PARP9: variants seen among roughly 807,000 people sequenced by gnomAD.
PARP9 encodes the protein poly(ADP-ribose) polymerase family member 9.
Under a neutral mutation model 68.8 loss-of-function variants are expected in PARP9, and 48 were observed. The observed-to-expected ratio is 0.70, with a 90% CI of 0.55 to 0.89. The LOEUF (loss-of-function observed/expected upper bound fraction) is 0.89. Among genes scored for constraint, PARP9 ranks in the 40% least tolerant of loss-of-function variants. The pLI, the probability that PARP9 is intolerant of heterozygous loss-of-function variation, is 0.00. For synonymous variants in PARP9, 309 were observed against 333.8 expected (o/e 0.93, Z 0.81); for missense variants, 806 against 969.3 (o/e 0.83, Z 2.24).
intron 2 of PARP9, 68 bp downstream of exon 2, chr3:122,559,538 G>T: frequency 6.8e-7 from 1 of 1,462,098 alleles, no homozygotes; most frequent in Non-Finnish European, 9.2e-7. Flanking sequence ...CAGATTTCTT[G>T]CTGTTATATA....
intron 1 of PARP9, among the ~76,000 whole-genome samples, chr3:122,561,495 T>C (rs2080202036): frequency 6.6e-6 from 1 of 152,200 alleles, no homozygotes; most frequent in Non-Finnish European, 1.5e-5. Flanking sequence ...GAATCCCTCA[T>C]GTGGTTAATG....
intron 5 of PARP9, 98 bp downstream of exon 5, chr3:122,552,320 A>G (rs2079271473): frequency 1.1e-6 from 1 of 943,178 alleles, no homozygotes; most frequent in Non-Finnish European, 1.6e-6. Flanking sequence ...ACTTGACAAA[A>G]TATTTCATGA....
chr3:122,539,563 C>CTTTCTTTCT (rs1553714675), intron 8 of PARP9, among the ~76,000 whole-genome samples: 1 of 80,600 alleles, frequency 1.2e-5, no homozygotes, highest in East Asian at 4.5e-4. Context: ...TTCTTTCTTT[C>CTTTCTTTCT]TTTCTTTTTT....
intron 8 of PARP9, among the ~76,000 whole-genome samples, chr3:122,537,301 G>A (rs2077724154): frequency 6.6e-6 from 1 of 152,176 alleles, no homozygotes; most frequent in Admixed American, 6.5e-5. Context: ...CTAAGGGGAT[G>A]TGAGTAAAAG....
At chr3:122,558,138 G>A (rs764163473) in intron 3 of PARP9, among the ~76,000 whole-genome samples, 3 of 152,212 alleles carry the variant, frequency 2.0e-5, no homozygotes, top group African/African-American at 4.8e-5. Context: ...TATAGTACTC[G>A]TTGAGCAAGG....
At chr3:122,533,562 G>T in intron 10 of PARP9, 1 of 495,800 alleles carries the variant, frequency 2.0e-6, no homozygotes, top group Non-Finnish European at 2.6e-6. Flanking sequence ...GGCAACAGGT[G>T]AACTCGTGAG....
At chr3:122,564,368 C>G (rs1437666662), upstream of PARP9, 20 of 1,532,840 alleles carry the variant, frequency 1.3e-5, no homozygotes, top group Admixed American at 2.1e-5. Flanking sequence ...CAGGGCGGGC[C>G]GCGCCTTTAC....
intron 1 of PARP9, among the ~76,000 whole-genome samples, chr3:122,563,637 T>TCCCAGGC (rs2080424931): frequency 6.6e-6 from 1 of 152,020 alleles, no homozygotes; most frequent in Non-Finnish European, 1.5e-5. Flanking sequence ...TCTCCTCTCC[T>TCCCAGGC]CCCAGGCCCC....
At chr3:122,544,678 TA>T (rs1472098753) in intron 7 of PARP9, among the ~76,000 whole-genome samples, 2 of 151,850 alleles carry the variant, frequency 1.3e-5, no homozygotes, top group African/African-American at 2.4e-5. Context: ...AATAAAATAA[TA>T]AAATAAATTA....
At chr3:122,545,942 A>G (rs1329028175) in intron 6 of PARP9, 5 of 157,530 alleles carry the variant, frequency 3.2e-5, no homozygotes, top group Non-Finnish European at 5.6e-5. Flanking sequence ...GTTAATTCCT[A>G]TAGAGTGCTT....
Position 122,555,731 on chromosome 3 carries a change from A to T in PARP9, c.440T>A (p.Val147Asp), listed in dbSNP as rs1248173257. The T allele has an allele frequency of 1.1e-5, 18 of 1,613,858 alleles. No individual in the cohort carries two copies. Among genetic ancestry groups the T allele is most frequent in the Non-Finnish European group, 1.4e-5 (16 of 1,179,958 alleles). The change falls in exon 4 of 11, where the codon GTC (valine) becomes GAC (aspartate). Residue 147 changes from valine (V) to aspartate (D), a missense_variant. Coordinates refer to ENST00000682323, the MANE Select transcript of PARP9 (RefSeq NM_001146105.2). The part of the protein sequence containing the change: ...YGKVSAGEIA[V>D]TGAGRLPCKQ... The stretch of plus-strand genomic sequence containing the variant: ...GCAGGGAAGCCTCCCTGCTCCCGTG[A>T]CAGCTATCTCACCAGCTGACACTTT...
At chr3:122,545,641 C>G in intron 6 of PARP9, 152 bp from the exon 7 acceptor site, 1 of 686,674 alleles carries the variant, frequency 1.5e-6, no homozygotes, top group African/African-American at 1.8e-5. Flanking sequence ...TTAGGAAAGT[C>G]CCAGAGAAGA....
At position 122,540,802 on chromosome 3, in the gene PARP9, A is replaced by T. The variant is rs765839681; in HGVS notation, c.1435T>A (p.Ser479Thr). 1.9e-6 allele frequency: 3 copies of T among 1,613,952 alleles called. No homozygotes were observed. The highest frequency in any genetic ancestry group is 2.5e-6 in the Non-Finnish European group (3 of 1,179,994). Residue 479 changes from serine to threonine, a missense_variant, in exon 8 of 11, where the codon TCT (serine) becomes ACT (threonine). This residue lies in a region of PARP9 where 680 missense variants were observed against 858.8 expected (regional missense o/e 0.79). Coordinates refer to ENST00000682323, the MANE Select transcript of PARP9 (RefSeq NM_001146105.2). ...AATCCCATCAGATTGATGGCAGGAG[A>T]TCTAGCTTCAAGCCCATTTTCTCTT... ...EKRENGLEAR[S>T]PAINLMGFNV...
intron 10 of PARP9, chr3:122,534,367 G>T (rs1240167125): frequency 1.0e-6 from 1 of 985,268 alleles, no homozygotes; most frequent in East Asian, 1.1e-4. Context: ...ATATAAGGAA[G>T]ATTTTCCCAG....
chr3:122,540,207 A>G (rs1168572894), intron 8 of PARP9, among the ~76,000 whole-genome samples: 1 of 152,250 alleles, frequency 6.6e-6, no homozygotes, highest in African/African-American at 2.4e-5. Context: ...TACCACTGCC[A>G]AAATTCCATG....
At chr3:122,563,704 C>G (rs1363979855) in intron 1 of PARP9, among the ~76,000 whole-genome samples, 2 of 152,024 alleles carry the variant, frequency 1.3e-5, no homozygotes, top group Non-Finnish European at 2.9e-5. Context: ...GCTTTTCCCC[C>G]CAATCCTGTC....
chr3:122,537,322 T>C (rs1303101439), intron 8 of PARP9, among the ~76,000 whole-genome samples: 1 of 152,236 alleles, frequency 6.6e-6, no homozygotes, highest in Admixed American at 6.5e-5. Flanking sequence ...GAGCATAATA[T>C]ATACTTGCTT....
Position 122,555,873 on chromosome 3 carries a change from C to T in PARP9, c.298G>A (p.Val100Met). The change falls in exon 4 of 11, where the codon GTG becomes ATG. Residue 100 changes from valine (V) to methionine (M), a missense_variant. By Grantham distance (21) the Val-to-Met change is conservative. Coordinates refer to ENST00000682323, the MANE Select transcript of PARP9 (RefSeq NM_001146105.2). ...DDLTTHAVDA[V>M]VNAANEDLLH... ...AGATCTTCATTGGCTGCATTCACCA[C>T]AGCATCAACAGCATGTGTGGTGAGG... 6.2e-7 allele frequency: 1 copy of T among 1,614,112 alleles called. No homozygotes were observed. Among genetic ancestry groups the T allele is most frequent in the African/African-American group, 1.3e-5 (1 of 75,038 alleles).
intron 7 of PARP9, among the ~76,000 whole-genome samples, chr3:122,544,483 T>C (rs1369045232): frequency 6.6e-6 from 1 of 152,104 alleles, no homozygotes; most frequent in Non-Finnish European, 1.5e-5. Context: ...CCTTCCTTAC[T>C]TACAGCACTG....
Sources: allele counts gnomAD v4.1 joint callset (sites outside exome capture counted in the v4.1 genomes callset), GRCh38; gene constraint gnomAD v4.1.1; regional missense constraint gnomAD v4.1.1; transcripts MANE v1.5; gene names NCBI Gene and HGNC (gene_info 2026-07-23, HGNC 2026-07-21).